The following ZNF737 variants were observed in gnomAD, a reference collection of about 807,000 sequenced individuals.
ZNF737 encodes zinc finger protein 102 (Y3).
In ZNF737, 13 loss-of-function variants were observed where a neutral mutation model predicts 11.7. The ratio of observed to expected loss-of-function variants is 1.11; its 90% CI spans 0.73 to 1.77. The LOEUF (loss-of-function observed/expected upper bound fraction) is 1.77. Ranked by LOEUF, ZNF737 falls within the 40% of genes most tolerant of loss-of-function variation. ZNF737 has a pLI of 0.00. For synonymous variants in ZNF737, 217 were observed against 216.2 expected, an observed-to-expected ratio of 1.00 and a Z score of -0.03; for missense variants, 636 against 638.0, an observed-to-expected ratio of 1.00 and a Z score of 0.03.
chr19:20,558,712 C>T (rs545751159), intron 1 of ZNF737, among the ~76,000 whole-genome samples: 17 of 152,188 alleles, frequency 1.1e-4, no homozygotes, highest in Non-Finnish European at 2.2e-4. Flanking sequence ...ATTAACCACT[C>T]TTATCAGCCT....
downstream of ZNF737, among the ~76,000 whole-genome samples, chr19:20,537,511 A>ATTTTTTTTTTT (rs1163609628): frequency 2.2e-4 from 17 of 77,094 alleles, 1 homozygote; most frequent in African/African-American, 7.3e-4. Flanking sequence ...CTGGTTTTCT[A>ATTTTTTTTTTT]TTTTTTTTTT....
chr19:20,553,813 A>G lies in ZNF737; in HGVS notation c.26T>C (p.Val9Ala). The G allele has an allele frequency of 6.2e-7, 1 of 1,613,818 alleles. No homozygotes were observed. Among genetic ancestry groups the G allele is most frequent in the Middle Eastern group, 1.7e-4 (1 of 6,060 alleles). The change falls in exon 2 of 4, where the codon GTG (valine) becomes GCG (alanine). Residue 9 changes from valine (V) to alanine (A), a missense_variant. Val to Ala is a moderately conservative substitution (Grantham distance 64). Transcript: ENST00000427401. ...CTCCTCCAGAGAGAATTCTATGGCC[A>G]CGTCTCTAAATTGCAATGGCCCCTG... MGPLQFRD[V>A]AIEFSLEEWH... is the part of the protein sequence containing the mutation.
rs983307052 is a variant in ZNF737, at chr19:20,542,036, G to A, written c.*2556C>T. On this transcript the variant is annotated 3_prime_UTR_variant, in exon 4 of 4. Transcript: ENST00000427401. ...TATGGGAACAATATTTAACTCATTT[G>A]CAGTTTAAAGCCACTGACAGTGATT... 7 of 984,574 alleles carry A rather than the reference G, an allele frequency of 7.1e-6. No individual in the cohort carries two copies. Among genetic ancestry groups the A allele is most frequent in the Non-Finnish European group, 7.2e-6 (6 of 829,404 alleles). The allele number at this position is 984,574 out of a possible 1,614,324, so 61.0% of individuals were successfully genotyped here. A position where few individuals can be genotyped will look rare whatever the true frequency, so the allele number is the denominator to read the frequency against.
chr19:20,534,478 T>TATCTATC (rs201628944), downstream of ZNF737, among the ~76,000 whole-genome samples: 23 of 149,778 alleles, frequency 1.5e-4, 1 homozygote, highest in East Asian at 2.8e-3. Context: ...TCTATCTATC[T>TATCTATC]ATCTATCTAT....
chr19:20,539,876 A>G lies in ZNF737; in HGVS notation c.*4716T>C, dbSNP rs1455878674. 2 of 985,152 alleles carry G rather than the reference A, an allele frequency of 2.0e-6. No homozygotes were observed. The highest frequency in any genetic ancestry group is 3.5e-5 in the African/African-American group (2 of 57,190). The allele number at this position is 985,152 out of a possible 1,614,324, so 61.0% of individuals were successfully genotyped here. On this transcript the variant is annotated 3_prime_UTR_variant, in exon 4 of 4. Coordinates refer to ENST00000427401, the MANE Select transcript of ZNF737 (RefSeq NM_001159293.2). ...ATGAGTTCAGCCTTGTTGGTAGACT[A>G]TTGGTATCCCAGAGGCTGATCATTC...
intron 1 of ZNF737, among the ~76,000 whole-genome samples, chr19:20,564,938 ATTT>A (rs33965622): frequency 7.1e-6 from 1 of 141,554 alleles, no homozygotes; most frequent in Non-Finnish European, 1.5e-5. Context: ...ATAACCAGGA[ATTT>A]TTTTTTTTTT....
In ZNF737 at chr19:20,551,069, G is replaced by C. The variant is rs1173497586; in HGVS notation, c.226+1406C>G. 4 of 152,330 alleles carry C rather than the reference G, an allele frequency of 2.6e-5. No individual in the cohort carries two copies. The East Asian group carries it at 7.7e-4, about 29-fold the overall frequency. 9.4% of individuals were successfully genotyped at this position (152,330 alleles called of 1,614,324 possible). ...GGCCTTTACTGGGGTCCCTGAAGAG[G>C]TTCAATGACTCAGTTTCGGTTACCT... On this transcript the variant is annotated intron_variant, in intron 3 of 3. Coordinates refer to ENST00000427401, the MANE Select transcript of ZNF737 (RefSeq NM_001159293.2).
chr19:20,550,805 CG>C (rs1350807540), intron 3 of ZNF737, among the ~76,000 whole-genome samples: 2 of 152,146 alleles, frequency 1.3e-5, no homozygotes, highest in Non-Finnish European at 2.9e-5. Flanking sequence ...GCTGTTAAAG[CG>C]TAAGGTTGAG....
At chr19:20,548,962 G>GAAAAAAAAAAAAAAA (rs3047010) in intron 3 of ZNF737, among the ~76,000 whole-genome samples, 11 of 86,438 alleles carry the variant, frequency 1.3e-4, no homozygotes, top group East Asian at 6.9e-4. Context: ...AAGAAAAACT[G>GAAAAAAAAAAAAAAA]AAAAAAAAAA....
At position 20,542,233 on chromosome 19, in the gene ZNF737, CT is replaced by C. The variant is rs59919656; in HGVS notation, c.*2358del. 0.042 allele frequency: 29,430 copies of C among 692,756 alleles called. 2 individuals are homozygous for C. The highest frequency in any genetic ancestry group is 0.047 in the Non-Finnish European group (26,663 of 562,374). The allele number at this position is 692,756 out of a possible 1,614,324, so 42.9% of individuals were successfully genotyped here. The stretch of plus-strand genomic sequence containing the variant: ...TTAAGTTCACAAATAATCTAACAAA[CT>C]TTTTTTTTTTTGAGACAGAGTTTTG... On this transcript the variant is annotated 3_prime_UTR_variant, in exon 4 of 4. Transcript: ENST00000427401.
rs1461723498 is a variant in ZNF737 at position 20,545,544 on chromosome 19, T to C, written c.659A>G (p.Lys220Arg). 6.2e-7 allele frequency: 1 copy of C among 1,613,630 alleles called. No homozygotes were observed. The highest frequency in any genetic ancestry group is 8.5e-7 in the Non-Finnish European group (1 of 1,179,854). ...FNWSSHLTTH[K>R]RIHTGEKRYK... ...CCGTTTCTCTCCAGTATGAATTCTC[T>C]TATGTGTAGTAAGGTGTGAGGACCA... Residue 220 changes from lysine (K) to arginine (R), a missense_variant, in exon 4 of 4, where the codon AAG becomes AGG. Coordinates refer to ENST00000427401, the MANE Select transcript of ZNF737 (RefSeq NM_001159293.2).
chr19:20,547,209 A>T (rs1393763040), intron 3 of ZNF737, among the ~76,000 whole-genome samples: 1 of 151,756 alleles, frequency 6.6e-6, no homozygotes, highest in African/African-American at 2.4e-5. Context: ...GTGAAACCCC[A>T]TCTCTACTAA....
intron 1 of ZNF737, among the ~76,000 whole-genome samples, chr19:20,563,726 T>C (rs1460331980): frequency 2.0e-5 from 3 of 152,056 alleles, no homozygotes; most frequent in African/African-American, 7.2e-5. Flanking sequence ...CCTCAAGTGA[T>C]CCACTCACCT....
chr19:20,544,542 G>A lies in ZNF737; in HGVS notation c.*50C>T. The A allele has an allele frequency of 1.3e-6, 2 of 1,543,614 alleles. No individual in the cohort carries two copies. Among genetic ancestry groups the A allele is most frequent in the Non-Finnish European group, 1.7e-6 (2 of 1,152,230 alleles). ...TTCCCTCCAATATGAATTTTCTTATGTGAAAAAAGCATAGTGGGATAGCTT... is the reference window on the plus strand; with the variant it reads ...TTCCCTCCAATATGAATTTTCTTATATGAAAAAAGCATAGTGGGATAGCTT... On this transcript the variant is annotated 3_prime_UTR_variant, in exon 4 of 4. Coordinates refer to ENST00000427401, the MANE Select transcript of ZNF737 (RefSeq NM_001159293.2).
At chr19:20,550,181 G>A (rs10422005) in intron 3 of ZNF737, among the ~76,000 whole-genome samples, 61,711 of 151,914 alleles carry the variant, frequency 0.41, 12,728 homozygotes, top group Admixed American at 0.48. Flanking sequence ...AACATTGGAA[G>A]CAAAGAGTAC....
rs1159248993 is a variant in ZNF737 at position 20,538,962 on chromosome 19, A to T, written c.*5630T>A. 2.0e-6 allele frequency: 2 copies of T among 985,298 alleles called. No homozygotes were observed. Among genetic ancestry groups the T allele is most frequent in the Non-Finnish European group, 2.4e-6 (2 of 829,934 alleles). 61.0% of individuals were successfully genotyped at this position (985,298 alleles called of 1,614,324 possible). ...TTTTCAGTGTTAAAGCAAATCAGAG[A>T]AGAGCAATGTGTGTACATAATGTGC... On this transcript the variant is annotated 3_prime_UTR_variant, in exon 4 of 4. Transcript: ENST00000427401.
chr19:20,546,084 G>A, intron 3 of ZNF737, 108 bp from the exon 4 acceptor site: 8 of 1,290,574 alleles, frequency 6.2e-6, no homozygotes, highest in Non-Finnish European at 7.3e-6. Flanking sequence ...AGATGACACA[G>A]CAAAATACCA....
chr19:20,556,271 A>G (rs547367929), intron 1 of ZNF737, among the ~76,000 whole-genome samples: 3 of 152,308 alleles, frequency 2.0e-5, no homozygotes, highest in African/African-American at 7.2e-5. Context: ...TTACAGTCAC[A>G]TAAGGCCCTT....
Position 20,553,734 on chromosome 19 carries a change from C to A in ZNF737, c.105G>T (p.Glu35Asp). 2 of 1,613,916 alleles carry A rather than the reference C, an allele frequency of 1.2e-6. No homozygotes were observed. Among genetic ancestry groups the A allele is most frequent in the Non-Finnish European group, 1.7e-6 (2 of 1,179,922 alleles). ...CAAGGAAGACCAGGTTTCTGTAGTTCTCTAACATCACATTCCTATATAAAT... is the reference window on the plus strand; with the variant it reads ...CAAGGAAGACCAGGTTTCTGTAGTTATCTAACATCACATTCCTATATAAAT... ...QRNLYRNVML[E>D]NYRNLVFLGI... Residue 35 changes from glutamate (E) to aspartate (D), a missense_variant, in exon 2 of 4, where the codon GAG becomes GAT. Transcript: ENST00000427401.
Sources: allele counts gnomAD v4.1 joint callset (sites outside exome capture counted in the v4.1 genomes callset), GRCh38; gene constraint gnomAD v4.1.1; transcripts MANE v1.5; gene names NCBI Gene and HGNC (gene_info 2026-07-23, HGNC 2026-07-21).